The following ADGRL3 variants were observed in gnomAD, a reference collection of about 807,000 sequenced individuals.
The protein encoded by ADGRL3 is calcium-independent alpha-latrotoxin receptor 3.
Under a neutral mutation model 153.5 loss-of-function variants are expected in ADGRL3, and 62 were observed. The observed-to-expected ratio is 0.40, with a 90% confidence interval of 0.33 to 0.50. ADGRL3 has a LOEUF of 0.50. ADGRL3 is among the 20% of genes least tolerant of loss of function. The pLI is 0.47. For synonymous variants in ADGRL3, 710 were observed against 672.5 expected (o/e 1.06, Z -0.86); for missense variants, 1,641 against 1,859.4 (o/e 0.88, Z 2.16).
chr4:61,232,721 G>C (rs546553007), intron 1 of ADGRL3, among the ~76,000 whole-genome samples: 60 of 152,142 alleles, frequency 3.9e-4, no homozygotes, highest in Admixed American at 2.0e-3. Flanking sequence ...AGACATGTCA[G>C]GTAAGACATG....
intron 1 of ADGRL3, among the ~76,000 whole-genome samples, chr4:61,323,781 C>G (rs749077705): frequency 6.6e-6 from 1 of 152,174 alleles, no homozygotes. Flanking sequence ...TTCTTCTGAG[C>G]CTTCCAAACT....
At chr4:61,534,781 G>C (rs2098644933) in intron 4 of ADGRL3, among the ~76,000 whole-genome samples, 1 of 152,020 alleles carries the variant, frequency 6.6e-6, no homozygotes, top group Non-Finnish European at 1.5e-5. Context: ...TGATTTTTGT[G>C]TATCAATTTT....
chr4:61,570,042 C>T (rs926134721), intron 4 of ADGRL3, among the ~76,000 whole-genome samples: 4 of 152,018 alleles, frequency 2.6e-5, no homozygotes, highest in Admixed American at 1.3e-4. Flanking sequence ...CTACTATGAA[C>T]GTATTTGCAC....
intron 4 of ADGRL3, among the ~76,000 whole-genome samples, chr4:61,519,665 G>A: frequency 6.6e-6 from 1 of 152,098 alleles, no homozygotes; most frequent in East Asian, 1.9e-4. Flanking sequence ...GCTTGGACAG[G>A]TATTAAAAAT....
intron 21 of ADGRL3, among the ~76,000 whole-genome samples, chr4:62,004,079 T>G (rs976903467): frequency 6.6e-6 from 1 of 152,132 alleles, no homozygotes; most frequent in African/African-American, 2.4e-5. Flanking sequence ...AGAATTACAT[T>G]CAGCTTGATG....
chr4:61,444,365 C>T (rs1202560567), intron 2 of ADGRL3, among the ~76,000 whole-genome samples: 1 of 152,128 alleles, frequency 6.6e-6, no homozygotes, highest in Non-Finnish European at 1.5e-5. Context: ...CTGCTTTCTG[C>T]CTCCACCAGA....
chr4:61,959,735 G>T (rs1375732678), intron 17 of ADGRL3, among the ~76,000 whole-genome samples: 5 of 152,036 alleles, frequency 3.3e-5, no homozygotes, highest in African/African-American at 1.2e-4. Context: ...ACTTTTTAAA[G>T]CCCCAAATTT....
intron 1 of ADGRL3, among the ~76,000 whole-genome samples, chr4:61,364,014 C>T (rs567641748): frequency 6.6e-6 from 1 of 151,636 alleles, no homozygotes; most frequent in African/African-American, 2.4e-5. Context: ...TAATATATGC[C>T]GTCCTCTGGG....
At chr4:61,473,382 G>A (rs950858057) in intron 2 of ADGRL3, among the ~76,000 whole-genome samples, 20 of 151,930 alleles carry the variant, frequency 1.3e-4, no homozygotes, top group Non-Finnish European at 2.5e-4. Context: ...CCAAACACAC[G>A]GCGAGGGTGT....
intron 1 of ADGRL3, among the ~76,000 whole-genome samples, chr4:61,364,343 A>AT (rs2096353862): frequency 2.0e-5 from 3 of 146,508 alleles, no homozygotes; most frequent in African/African-American, 7.6e-5. Flanking sequence ...AAAAAAAAAA[A>AT]AAATAATAAT....
chr4:61,738,415 CTT>C (rs1237827933), intron 8 of ADGRL3, among the ~76,000 whole-genome samples: 4 of 152,148 alleles, frequency 2.6e-5, no homozygotes, highest in Admixed American at 2.0e-4. Context: ...GTAATGACCT[CTT>C]TTCCTCTGGG....
chr4:61,206,710 A>G (rs540886896), intron 1 of ADGRL3, among the ~76,000 whole-genome samples: 1 of 152,180 alleles, frequency 6.6e-6, no homozygotes, highest in East Asian at 1.9e-4. Context: ...GGCTGAGTGC[A>G]GTGGCTTACA....
chr4:61,665,255 C>CA (rs1008170852), intron 5 of ADGRL3, among the ~76,000 whole-genome samples: 4 of 151,986 alleles, frequency 2.6e-5, no homozygotes, highest in African/African-American at 9.7e-5. Flanking sequence ...ACTAAAAATA[C>CA]AAAAAATTAG....
intron 17 of ADGRL3, among the ~76,000 whole-genome samples, chr4:61,971,893 T>C (rs1182291165): frequency 6.6e-6 from 1 of 152,206 alleles, no homozygotes; most frequent in Non-Finnish European, 1.5e-5. Context: ...TGATTTGCAT[T>C]TATCTGATGG....
At chr4:62,054,051 A>T (rs1045934196) in intron 25 of ADGRL3, among the ~76,000 whole-genome samples, 1 of 151,624 alleles carries the variant, frequency 6.6e-6, no homozygotes, top group African/African-American at 2.4e-5. Context: ...ACTATCAAAT[A>T]ATCTGATTTA....
chr4:61,539,348 C>A (rs1331501767), intron 4 of ADGRL3, among the ~76,000 whole-genome samples: 2 of 152,188 alleles, frequency 1.3e-5, no homozygotes, highest in Non-Finnish European at 2.9e-5. Context: ...CTCTCCACGC[C>A]TATTCCTTCT....
At chr4:62,056,766 A>G (rs1737244795) in intron 25 of ADGRL3, among the ~76,000 whole-genome samples, 1 of 152,164 alleles carries the variant, frequency 6.6e-6, no homozygotes, top group South Asian at 2.1e-4. Context: ...TAAGAAATGT[A>G]TGTCAAGACA....
intron 6 of ADGRL3, among the ~76,000 whole-genome samples, chr4:61,707,487 T>C (rs1422690520): frequency 1.3e-5 from 2 of 152,224 alleles, no homozygotes; most frequent in Non-Finnish European, 2.9e-5. Context: ...TTTTTAAAAA[T>C]AAATAACAAC....
intron 6 of ADGRL3, among the ~76,000 whole-genome samples, chr4:61,687,019 T>C (rs1191039890): frequency 6.6e-6 from 1 of 152,110 alleles, no homozygotes; most frequent in Non-Finnish European, 1.5e-5. Flanking sequence ...TCATTAAAAT[T>C]AGTAATTAGT....
Sources: gnomAD v4.1 joint callset for allele counts (sites outside exome capture counted in the v4.1 genomes callset) on GRCh38, gnomAD v4.1.1 for gene constraint, MANE v1.5 for transcripts, NCBI Gene and HGNC (gene_info 2026-07-23, HGNC 2026-07-21) for gene names.